The following RO60 variants were observed in gnomAD, a reference collection of about 807,000 sequenced individuals.
RO60 encodes the protein Ro60, Y RNA binding protein.
In RO60, 20 loss-of-function variants were observed where a neutral mutation model predicts 55.3. The ratio of observed to expected loss-of-function variants is 0.36; its 90% confidence interval spans 0.25 to 0.53. The LOEUF is 0.53. RO60 is among the 20% of genes least tolerant of loss of function. RO60 has a pLI of 0.92. For synonymous variants in RO60, 213 were observed against 213.6 expected (o/e 1.00, Z 0.02); for missense variants, 558 against 646.6 (o/e 0.86, Z 1.49).
rs56181113 is a variant in RO60 at position 193,069,046 on chromosome 1, C to CA, written c.1dup. On this transcript the variant is annotated 5_prime_UTR_variant, in exon 2 of 9. Transcript: ENST00000400968. ...GCCTTTTTGTTAGGTTTCCTAAAGACAAAAAAAAATGGAGGAATCTGTAAA... is the reference window on the plus strand; with the variant it reads ...GCCTTTTTGTTAGGTTTCCTAAAGACAAAAAAAAAATGGAGGAATCTGTAAA... 170 of 1,551,422 alleles carry CA rather than the reference C, an allele frequency of 1.1e-4. No homozygotes were observed. The highest frequency in any genetic ancestry group is 3.0e-4 in the Admixed American group (17 of 55,860).
Position 193,070,069 on chromosome 1 carries a change from G to T in RO60, c.580+435G>T, listed in dbSNP as rs543491004. ...TCAGTATAATCGTTTGTAAAACTTA[G>T]GTAACTGTACACAGCTGTTCCTTAA... On this transcript the variant is annotated intron_variant, in intron 2 of 8. Transcript: ENST00000400968. Among the ~76,000 whole-genome samples the T allele has an allele frequency of 1.1e-4, 17 of 151,888 alleles. No homozygotes were observed. The South Asian group carries it at 3.5e-3, about 32-fold the overall frequency.
chr1:193,065,777 A>G (rs1050509411), intron 1 of RO60, among the ~76,000 whole-genome samples: 8 of 152,238 alleles, frequency 5.3e-5, no homozygotes, highest in Admixed American at 3.3e-4. Context: ...AATGACTAAT[A>G]TGATCATTAC....
intron 5 of RO60, among the ~76,000 whole-genome samples, chr1:193,080,819 T>G (rs1674255362): frequency 6.6e-6 from 1 of 152,166 alleles, no homozygotes; most frequent in African/African-American, 2.4e-5. Context: ...GGAAAATTTA[T>G]AGAGACAGAA....
At chr1:193,061,362 C>T (rs1304104329) in intron 1 of RO60, among the ~76,000 whole-genome samples, 1 of 152,178 alleles carries the variant, frequency 6.6e-6, no homozygotes, top group Non-Finnish European at 1.5e-5. Context: ...GTCATGCACT[C>T]TCATAGATAT....
intron 1 of RO60, among the ~76,000 whole-genome samples, chr1:193,061,316 A>G (rs1672682510): frequency 6.6e-6 from 1 of 152,126 alleles, no homozygotes; most frequent in African/African-American, 2.4e-5. Context: ...AACCTCTATC[A>G]TGGGCCCAAT....
At chr1:193,084,524 T>G in intron 8 of RO60, 55 bp from the exon 9 acceptor site, 1 of 1,521,900 alleles carries the variant, frequency 6.6e-7, no homozygotes, top group Non-Finnish European at 8.8e-7. Flanking sequence ...TTTGGAGGTA[T>G]TTTGCATTTC....
chr1:193,083,743 AGTTTTGTTTT>A (rs536426343), intron 8 of RO60, among the ~76,000 whole-genome samples: 3 of 152,100 alleles, frequency 2.0e-5, no homozygotes, highest in African/African-American at 7.2e-5. Context: ...GTAAGGGAAT[AGTTTTGTTTT>A]GTTTTGTTTT....
chr1:193,064,658 T>C (rs961540681), intron 1 of RO60, among the ~76,000 whole-genome samples: 8 of 152,244 alleles, frequency 5.3e-5, no homozygotes, highest in African/African-American at 1.9e-4. Context: ...CTGTTTTATG[T>C]TGCACTCTGG....
chr1:193,079,106 G>A (rs1189103734), intron 5 of RO60, among the ~76,000 whole-genome samples: 1 of 18,692 alleles, frequency 5.3e-5, no homozygotes, highest in Non-Finnish European at 1.3e-4. Context: ...TTTTTTTTTT[G>A]AGACAGAGTC....
intron 1 of RO60, among the ~76,000 whole-genome samples, chr1:193,066,943 A>C (rs1558235465): frequency 6.6e-6 from 1 of 152,170 alleles, no homozygotes; most frequent in Non-Finnish European, 1.5e-5. Flanking sequence ...CTTCTGGATT[A>C]TTTAGACAGT....
At chr1:193,069,676 A>T in intron 2 of RO60, 42 bp downstream of exon 2, 1 of 1,479,746 alleles carries the variant, frequency 6.8e-7, no homozygotes, top group Middle Eastern at 1.8e-4. Flanking sequence ...TGGGTAAGGG[A>T]TATTCAATAA....
Position 193,069,304 on chromosome 1 carries a change from G to C in RO60, c.250G>C (p.Gly84Arg). The C allele has an allele frequency of 6.2e-7, 1 of 1,614,206 alleles. No individual in the cohort carries two copies. Among genetic ancestry groups the C allele is most frequent in the South Asian group, 1.1e-5 (1 of 91,084 alleles). ...AGAAATAAAGTCATTTAGTCAAGAA[G>C]GCAGAACCACAAAGCAAGAGCCTAT... ...IQEIKSFSQE[G>R]RTTKQEPMLF... The change falls in exon 2 of 9, where the codon GGC becomes CGC. Residue 84 changes from glycine (G) to arginine (R), a missense_variant. Gly to Arg is a moderately radical substitution (Grantham distance 125). Coordinates refer to ENST00000400968, the MANE Select transcript of RO60 (RefSeq NM_001173524.2).
chr1:193,077,887 T>C (rs1357112322), intron 5 of RO60, among the ~76,000 whole-genome samples: 2 of 152,202 alleles, frequency 1.3e-5, no homozygotes, highest in Non-Finnish European at 2.9e-5. Flanking sequence ...TCCTTTGACT[T>C]GGTCCTCTGT....
rs980951008 is a variant in RO60 at position 193,087,440 on chromosome 1, C to T, written c.*2709C>T. ...TAAAACAAAAACTAATCTTATAATC[C>T]CACCCTTTATTAGTTGAAAGTTCTT... On this transcript the variant is annotated 3_prime_UTR_variant, in exon 9 of 9. Transcript: ENST00000400968. 6.6e-6 allele frequency: 1 copy of T among 151,880 alleles called. No homozygotes were observed. The highest frequency in any genetic ancestry group is 1.5e-5 in the Non-Finnish European group (1 of 67,954). 9.4% of individuals were successfully genotyped at this position (151,880 alleles called of 1,614,324 possible).
At position 193,059,875 on chromosome 1, in the gene RO60, G is replaced by A; in HGVS notation, c.-22+99G>A. On this transcript the variant is annotated intron_variant, in intron 1 of 8. Coordinates refer to ENST00000400968, the MANE Select transcript of RO60 (RefSeq NM_001173524.2). This position sits in a 1 kb window ranked among gnomAD's most constrained non-coding sequence, Gnocchi z 4.9. Reference sequence around the variant, plus strand: ...CCATGTCTCTCACCCGCATCCCAGGGGTTGAGGCTGGGCAAACGCCGCGAA... The same window carrying A: ...CCATGTCTCTCACCCGCATCCCAGGAGTTGAGGCTGGGCAAACGCCGCGAA... 1.5e-6 allele frequency: 2 copies of A among 1,364,948 alleles called. No individual in the cohort carries two copies. The highest frequency in any genetic ancestry group is 2.0e-6 in the Non-Finnish European group (2 of 1,021,206). 84.6% of individuals were successfully genotyped at this position (1,364,948 alleles called of 1,614,324 possible). A position where few individuals can be genotyped will look rare whatever the true frequency, so the allele number is the denominator to read the frequency against.
intron 2 of RO60, chr1:193,070,472 G>T: frequency 2.8e-6 from 1 of 351,496 alleles, no homozygotes; most frequent in Non-Finnish European, 5.9e-6. Context: ...AAAACTCTTG[G>T]GCAGGAGTAA....
intron 1 of RO60, among the ~76,000 whole-genome samples, chr1:193,063,568 C>T (rs1015297233): frequency 1.3e-5 from 2 of 152,102 alleles, no homozygotes; most frequent in African/African-American, 4.8e-5. Context: ...TTGATAAAGT[C>T]CAGTTTATTT....
At chr1:193,076,765 C>T (rs1673951712) in intron 4 of RO60, 118 bp downstream of exon 4, 16 of 1,322,672 alleles carry the variant, frequency 1.2e-5, no homozygotes, top group Admixed American at 2.4e-5. Context: ...TACCAAATTG[C>T]ATTATGGCTC....
chr1:193,091,745 T>G, downstream of RO60: 1 of 1,401,578 alleles, frequency 7.1e-7, no homozygotes, highest in Non-Finnish European at 1.0e-6. Context: ...TAGAAATTGA[T>G]AGATGTACCA....
Sources: gnomAD v4.1 joint callset for allele counts (sites outside exome capture counted in the v4.1 genomes callset) on GRCh38, gnomAD v4.1.1 for gene constraint, Gnocchi (gnomAD v3.1) non-coding constraint, MANE v1.5 for transcripts, NCBI Gene and HGNC (gene_info 2026-07-23, HGNC 2026-07-21) for gene names.